The following EPHA4 variants were observed in gnomAD, a reference collection of about 807,000 sequenced individuals.
EPHA4 encodes the protein ephrin type-A receptor 4.
In EPHA4, 19 loss-of-function variants were observed where a neutral mutation model predicts 108.3. That is an observed-to-expected ratio of 0.18 (90% CI 0.12 to 0.26). EPHA4 has a LOEUF of 0.26. EPHA4 is among the 10% of genes least tolerant of loss of function. EPHA4 has a pLI of 1.00. For synonymous variants in EPHA4, 449 were observed against 455.5 expected, an observed-to-expected ratio of 0.99 and a Z score of 0.18; for missense variants, 917 against 1,254.0, an observed-to-expected ratio of 0.73 and a Z score of 4.06.
intron 3 of EPHA4, among the ~76,000 whole-genome samples, chr2:221,531,672 G>A (rs906411852): frequency 6.6e-6 from 1 of 151,802 alleles, no homozygotes; most frequent in Admixed American, 6.6e-5. Flanking sequence ...GAAGAACAAA[G>A]CCAATATAAA....
intron 4 of EPHA4, among the ~76,000 whole-genome samples, chr2:221,499,715 A>ATTATATATATATAT (rs1322169477): frequency 1.4e-4 from 7 of 48,452 alleles, no homozygotes; most frequent in Non-Finnish European, 1.4e-4. Context: ...AACTAAAACT[A>ATTATATATATATAT]ATATATATAT....
intron 4 of EPHA4, among the ~76,000 whole-genome samples, chr2:221,493,948 C>T (rs1182790784): frequency 6.6e-6 from 1 of 152,178 alleles, no homozygotes; most frequent in Non-Finnish European, 1.5e-5. Flanking sequence ...TTTTCGGCCA[C>T]GTCTAAGTAT....
intron 8 of EPHA4, among the ~76,000 whole-genome samples, chr2:221,454,445 A>C (rs1366880270): frequency 6.6e-6 from 1 of 152,194 alleles, no homozygotes; most frequent in African/African-American, 2.4e-5. Context: ...GCCTACCACT[A>C]TGGCAATGCG....
At chr2:221,514,150 T>C (rs1294452178) in intron 3 of EPHA4, among the ~76,000 whole-genome samples, 2 of 152,032 alleles carry the variant, frequency 1.3e-5, no homozygotes, top group South Asian at 2.1e-4. Flanking sequence ...GATGGGTCAT[T>C]GTCCCAAGAA....
rs976602783 is a variant in EPHA4, at chr2:221,564,496, A to G, written c.160-102T>C. The G allele has an allele frequency of 7.5e-6, 9 of 1,199,980 alleles. No homozygotes were observed. In the Admixed American group the frequency reaches 9.0e-5, roughly 12 times the overall value. 74.3% of individuals were successfully genotyped at this position (1,199,980 alleles called of 1,614,324 possible). On this transcript the variant is annotated intron_variant, in intron 2 of 17. Transcript: ENST00000281821. ...TAGGACACCTGATTATTTTTCTTTC[A>G]ATAATGAAGCAAACTACTGAGCACC...
At chr2:221,539,519 G>A (rs373326882) in intron 3 of EPHA4, among the ~76,000 whole-genome samples, 6 of 152,258 alleles carry the variant, frequency 3.9e-5, no homozygotes, top group East Asian at 1.9e-4. Flanking sequence ...ACCAGCAGGA[G>A]GGCCTTTGGG....
chr2:221,451,211 C>CTCAA (rs1288071587), intron 8 of EPHA4, among the ~76,000 whole-genome samples: 6 of 152,164 alleles, frequency 3.9e-5, no homozygotes, highest in African/African-American at 4.8e-5. Flanking sequence ...GAGACTCTGT[C>CTCAA]TCAATCAATC....
At chr2:221,426,842 T>C (rs1381522705) in intron 15 of EPHA4, among the ~76,000 whole-genome samples, 5 of 152,240 alleles carry the variant, frequency 3.3e-5, no homozygotes, top group African/African-American at 4.8e-5. Context: ...TTCTATTTCC[T>C]GCGCTTGTTT....
chr2:221,516,259 C>T (rs1304376071), intron 3 of EPHA4, among the ~76,000 whole-genome samples: 1 of 152,002 alleles, frequency 6.6e-6, no homozygotes, highest in Non-Finnish European at 1.5e-5. Context: ...TCAGTTTCCT[C>T]TAAGAGTACC....
At chr2:221,509,651 A>AATTT (rs1692764157) in intron 3 of EPHA4, among the ~76,000 whole-genome samples, 1 of 152,252 alleles carries the variant, frequency 6.6e-6, no homozygotes, top group South Asian at 2.1e-4. Flanking sequence ...CAAGTGTATA[A>AATTT]AGGAATATAC....
chr2:221,542,002 A>G (rs913368884), intron 3 of EPHA4, among the ~76,000 whole-genome samples: 1 of 152,226 alleles, frequency 6.6e-6, no homozygotes, highest in Non-Finnish European at 1.5e-5. Flanking sequence ...TGCTGAAGAG[A>G]AGAGTTACAG....
In EPHA4 at chr2:221,457,869, C is replaced by G; in HGVS notation, c.1440G>C (p.Glu480Asp). Residue 480 changes from glutamate to aspartate, a missense_variant, in exon 6 of 18, where the codon GAG becomes GAC. Glu to Asp is a conservative substitution (Grantham distance 45). Transcript: ENST00000281821. ...VILEYEVKYY[E>D]KDQNERSYRI... Reference sequence around the variant, plus strand: ...GTGTTGTTCACTCAAGTAATACCTTCTCATAATACTTGACTTCATATTCCA... The same window carrying G: ...GTGTTGTTCACTCAAGTAATACCTTGTCATAATACTTGACTTCATATTCCA... 6.2e-7 allele frequency: 1 copy of G among 1,613,400 alleles called. No individual in the cohort carries two copies. The highest frequency in any genetic ancestry group is 1.1e-5 in the South Asian group (1 of 91,010).
At chr2:221,501,667 T>C (rs16862781) in intron 3 of EPHA4, among the ~76,000 whole-genome samples, 5,057 of 152,232 alleles carry the variant, frequency 0.033, 244 homozygotes, top group African/African-American at 0.11. Context: ...TCACATGCTA[T>C]GGAATTTCAG....
rs186001497 is a variant in EPHA4, at chr2:221,489,248, G to A, written c.980-6558C>T. 1.2e-4 allele frequency among the ~76,000 whole-genome samples: 19 copies of A among 152,298 alleles called. No individual in the cohort carries two copies. In the East Asian group the frequency reaches 1.9e-3, roughly 15 times the overall value. ...GATGAAAACCTGCTATGATAATTGCGTTTTGAAATGGGTTTGGCAGAAATG... is the reference window on the plus strand; with the variant it reads ...GATGAAAACCTGCTATGATAATTGCATTTTGAAATGGGTTTGGCAGAAATG... On this transcript the variant is annotated intron_variant, in intron 4 of 17. Coordinates refer to ENST00000281821, the MANE Select transcript of EPHA4 (RefSeq NM_004438.5).
chr2:221,470,055 C>T (rs1403937129), intron 5 of EPHA4, among the ~76,000 whole-genome samples: 2 of 152,210 alleles, frequency 1.3e-5, no homozygotes, highest in East Asian at 1.9e-4. Flanking sequence ...ACTTAAAACA[C>T]ACAGGCAGAA....
Position 221,566,424 on chromosome 2 carries a change from A to G in EPHA4, c.160-2030T>C, listed in dbSNP as rs545029393. ...AAGACAATCAATCCATTCCTCATTGACAGATACCCAATTCATTCCTTTGCT... is the reference window on the plus strand; with the variant it reads ...AAGACAATCAATCCATTCCTCATTGGCAGATACCCAATTCATTCCTTTGCT... On this transcript the variant is annotated intron_variant, in intron 2 of 17. Coordinates refer to ENST00000281821, the MANE Select transcript of EPHA4 (RefSeq NM_004438.5). Among the ~76,000 whole-genome samples, 44 of 152,284 alleles carry G rather than the reference A, an allele frequency of 2.9e-4. No homozygotes were observed. The South Asian group carries it at 8.7e-3, about 30-fold the overall frequency.
rs530257401 is a variant in EPHA4 at position 221,544,655 on chromosome 2, A to T, written c.823+19076T>A. Among the ~76,000 whole-genome samples, 210 of 152,330 alleles carry T rather than the reference A, an allele frequency of 1.4e-3. 2 individuals carry two copies. The highest frequency in any genetic ancestry group is 3.4e-3 in the Middle Eastern group (1 of 294). On this transcript the variant is annotated intron_variant, in intron 3 of 17. Coordinates refer to ENST00000281821, the MANE Select transcript of EPHA4 (RefSeq NM_004438.5). ...GTTCACAACCTTTTATGAAAAAAGAAGAAATACATGAATGTGGGGGGAATG... is the reference window on the plus strand; with the variant it reads ...GTTCACAACCTTTTATGAAAAAAGATGAAATACATGAATGTGGGGGGAATG...
intron 5 of EPHA4, among the ~76,000 whole-genome samples, chr2:221,476,034 A>C (rs1312882924): frequency 6.6e-6 from 1 of 152,200 alleles, no homozygotes; most frequent in African/African-American, 2.4e-5. Flanking sequence ...AGCCTGGGCA[A>C]CATGGAAAAC....
At chr2:221,542,678 G>A (rs2710496) in intron 3 of EPHA4, among the ~76,000 whole-genome samples, 89,586 of 152,022 alleles carry the variant, frequency 0.59, 27,684 homozygotes, top group African/African-American at 0.78. Flanking sequence ...TTTGGGTTTC[G>A]AAAGCAATGA....
Sources: allele counts gnomAD v4.1 joint callset (sites outside exome capture counted in the v4.1 genomes callset), GRCh38; gene constraint gnomAD v4.1.1; transcripts MANE v1.5; gene names NCBI Gene and HGNC (gene_info 2026-07-23, HGNC 2026-07-21).